Variants in SIK3 observed in about 807,000 individuals in gnomAD.
SIK3 encodes SIK family kinase 3, also known as serine/threonine-protein kinase SIK3.
Under a neutral mutation model 144.2 loss-of-function variants are expected in SIK3, and 28 were observed. That is an observed-to-expected ratio of 0.19 (90% CI 0.14 to 0.27). SIK3 has a LOEUF of 0.27. Among genes scored for constraint, SIK3 ranks in the 10% least tolerant of loss-of-function variants. The pLI is 1.00. For synonymous variants in SIK3, 686 were observed against 676.3 expected, an observed-to-expected ratio of 1.01 and a Z score of -0.22; for missense variants, 1,319 against 1,776.0, an observed-to-expected ratio of 0.74 and a Z score of 4.62.
intron 4 of SIK3, among the ~76,000 whole-genome samples, chr11:116,926,475 A>G (rs1026858001): frequency 6.6e-6 from 1 of 152,136 alleles, no homozygotes; most frequent in Non-Finnish European, 1.5e-5. Flanking sequence ...CCTATAAGCC[A>G]CTCTAAGATC....
intron 15 of SIK3, among the ~76,000 whole-genome samples, chr11:116,866,997 G>A (rs1032058341): frequency 6.6e-6 from 1 of 152,112 alleles, no homozygotes; most frequent in Admixed American, 6.5e-5. Context: ...TGCCAAATGG[G>A]TAACCAGCCT....
chr11:117,093,126 C>G (rs931128431), intron 1 of SIK3, among the ~76,000 whole-genome samples: 11 of 152,190 alleles, frequency 7.2e-5, no homozygotes, highest in Non-Finnish European at 1.3e-4. Flanking sequence ...ATGGGGCTAT[C>G]TTCCTCAAAT....
intron 1 of SIK3, among the ~76,000 whole-genome samples, chr11:117,031,580 G>A (rs1952264895): frequency 6.6e-6 from 1 of 150,828 alleles, no homozygotes; most frequent in Non-Finnish European, 1.5e-5. Context: ...GGAGTGCAAT[G>A]GCGCGATCTT....
chr11:116,969,182 C>A (rs944068509), intron 1 of SIK3, among the ~76,000 whole-genome samples: 2 of 148,926 alleles, frequency 1.3e-5, no homozygotes, highest in African/African-American at 4.9e-5. Context: ...CCCAGCTACT[C>A]GGGAGGCTGA....
chr11:116,947,546 T>C (rs1430132545), intron 3 of SIK3, among the ~76,000 whole-genome samples: 1 of 71,022 alleles, frequency 1.4e-5, no homozygotes, highest in Admixed American at 1.5e-4. Flanking sequence ...TATGTATGTA[T>C]GTATGTATGT....
chr11:116,854,732 A>T (rs1942737190), intron 21 of SIK3, among the ~76,000 whole-genome samples: 1 of 152,196 alleles, frequency 6.6e-6, no homozygotes, highest in East Asian at 1.9e-4. Context: ...TCGTGACAGA[A>T]GTGAACAGCA....
intron 1 of SIK3, among the ~76,000 whole-genome samples, chr11:117,026,727 C>T (rs537338650): frequency 4.6e-5 from 7 of 152,312 alleles, no homozygotes; most frequent in African/African-American, 9.6e-5. Flanking sequence ...ACAAGCCTTA[C>T]GTGGACAATG....
chr11:117,014,584 A>AG (rs1951441601), intron 1 of SIK3, among the ~76,000 whole-genome samples: 1 of 147,906 alleles, frequency 6.8e-6, no homozygotes, highest in African/African-American at 2.5e-5. Flanking sequence ...AATAAAAAAA[A>AG]GGGGGGCTCA....
Position 116,846,507 on chromosome 11 carries a change from A to G in SIK3, c.3999T>C (p.Asp1333=). ...LGGHEHPDLS[D]GSQHLNSSCY... is the part of the protein sequence containing the mutation. ...AAGAGGAGTTTAAATGCTGGCTGCC[A>G]TCACTCAGGTCTGGGTGCTCATGAC... is the stretch of plus-strand genomic sequence containing the variant. The change falls in exon 24 of 25, where the codon GAT becomes GAC. Residue 1333 remains aspartate, a synonymous_variant. Coordinates refer to ENST00000445177, the MANE Select transcript of SIK3 (RefSeq NM_001366686.3). The surrounding 1 kb of genome is among the most constrained non-coding windows in gnomAD (Gnocchi z 4.1). 1.2e-6 allele frequency: 2 copies of G among 1,614,192 alleles called. No individual in the cohort carries two copies. The highest frequency in any genetic ancestry group is 1.7e-6 in the Non-Finnish European group (2 of 1,180,034).
chr11:117,028,982 C>T (rs1952141018), intron 1 of SIK3, among the ~76,000 whole-genome samples: 1 of 112,236 alleles, frequency 8.9e-6, no homozygotes, highest in Non-Finnish European at 1.8e-5. Context: ...GATCTCGGCT[C>T]TCTGCAACTT....
chr11:117,086,407 G>A (rs1591679518), intron 1 of SIK3, among the ~76,000 whole-genome samples: 1 of 152,162 alleles, frequency 6.6e-6, no homozygotes, highest in African/African-American at 2.4e-5. Context: ...AAAATCAATG[G>A]TAGGCTGGGT....
At chr11:117,025,784 G>T (rs549829538) in intron 1 of SIK3, among the ~76,000 whole-genome samples, 62 of 152,150 alleles carry the variant, frequency 4.1e-4, no homozygotes, top group Non-Finnish European at 7.9e-4. Context: ...ATAAATTAAG[G>T]TTATTATTTT....
At chr11:116,956,700 G>A (rs1949151285) in intron 2 of SIK3, among the ~76,000 whole-genome samples, 1 of 152,030 alleles carries the variant, frequency 6.6e-6, no homozygotes, top group Admixed American at 6.6e-5. Flanking sequence ...TGCTAAGAAT[G>A]GCATCAAATT....
Position 116,874,029 on chromosome 11 carries a change from C to T in SIK3, c.1455G>A (p.Lys485=). 1 of 1,614,008 alleles carries T rather than the reference C, an allele frequency of 6.2e-7. No homozygotes were observed. The highest frequency in any genetic ancestry group is 1.3e-5 in the African/African-American group (1 of 75,044). The change falls in exon 12 of 25, where the codon AAG becomes AAA. Residue 485 remains lysine, a synonymous_variant. Transcript: ENST00000445177. ...TGACTCCAGGAAAGCCAGGTAGGAG[C>T]TTCTGCAGATCTTCCATAACTTCCG... ...PRTEVMEDLQ[K]LLPGFPGVNP...
chr11:116,923,096 T>C (rs1444673020), intron 4 of SIK3, among the ~76,000 whole-genome samples: 3 of 152,132 alleles, frequency 2.0e-5, no homozygotes, highest in East Asian at 3.9e-4. Flanking sequence ...TGTGAACTTT[T>C]GTAGAGACCG....
chr11:116,945,695 G>A (rs1031060052), intron 3 of SIK3, among the ~76,000 whole-genome samples: 3 of 152,184 alleles, frequency 2.0e-5, no homozygotes, highest in South Asian at 2.1e-4. Flanking sequence ...CTCTAAACAG[G>A]ATCAGTCCAA....
chr11:116,850,692 T>C (rs1388423184), intron 21 of SIK3, among the ~76,000 whole-genome samples: 1 of 152,234 alleles, frequency 6.6e-6, no homozygotes, highest in Admixed American at 6.5e-5. Context: ...CATTGTCCTA[T>C]ACCCAGTATT....
intron 1 of SIK3, among the ~76,000 whole-genome samples, chr11:117,078,564 C>G (rs988212320): frequency 1.3e-5 from 2 of 151,582 alleles, no homozygotes; most frequent in Non-Finnish European, 2.9e-5. Flanking sequence ...ACAGGCCCAG[C>G]TAATTTTTTT....
intron 1 of SIK3, among the ~76,000 whole-genome samples, chr11:117,007,034 G>GGT (rs1434773170): frequency 6.6e-6 from 1 of 152,136 alleles, no homozygotes; most frequent in Non-Finnish European, 1.5e-5. Flanking sequence ...ACTATCCCAT[G>GGT]GTGTTCCCTT....
Sources: gnomAD v4.1 joint callset for allele counts (sites outside exome capture counted in the v4.1 genomes callset) on GRCh38, gnomAD v4.1.1 for gene constraint, Gnocchi (gnomAD v3.1) non-coding constraint, MANE v1.5 for transcripts, NCBI Gene and HGNC (gene_info 2026-07-23, HGNC 2026-07-21) for gene names.